ASTN1: variants seen among roughly 807,000 people sequenced by gnomAD.
ASTN1 encodes the protein astrotactin-1.
In ASTN1, 41 loss-of-function variants were observed where a neutral mutation model predicts 140.7. The ratio of observed to expected loss-of-function variants is 0.29; its 90% confidence interval spans 0.23 to 0.38. The LOEUF is 0.38. Among genes scored for constraint, ASTN1 ranks in the 10% least tolerant of loss-of-function variants. ASTN1 has a pLI of 1.00. For synonymous variants in ASTN1, 640 were observed against 652.2 expected (o/e 0.98, Z 0.29); for missense variants, 1,479 against 1,678.8 (o/e 0.88, Z 2.08).
intron 1 of ASTN1, among the ~76,000 whole-genome samples, chr1:177,083,190 G>C (rs1679263667): frequency 6.6e-6 from 1 of 151,972 alleles, no homozygotes; most frequent in South Asian, 2.1e-4. Flanking sequence ...TAGTGACCTG[G>C]TGACAGCAAC....
intron 21 of ASTN1, among the ~76,000 whole-genome samples, chr1:176,875,298 T>C (rs1668513533): frequency 6.6e-6 from 1 of 152,138 alleles, no homozygotes; most frequent in South Asian, 2.1e-4. Context: ...AGAAATTGGC[T>C]AAGGGAGGGG....
intron 8 of ASTN1, among the ~76,000 whole-genome samples, chr1:177,008,401 G>T (rs1056581364): frequency 3.3e-5 from 5 of 151,210 alleles, no homozygotes; most frequent in Admixed American, 6.6e-5. Context: ...GAGAGGAAGA[G>T]AGAGAGGAGA....
At chr1:176,992,180 C>T (rs1558015617) in intron 8 of ASTN1, among the ~76,000 whole-genome samples, 1 of 152,054 alleles carries the variant, frequency 6.6e-6, no homozygotes, top group Non-Finnish European at 1.5e-5. Flanking sequence ...GAGTTGGGAA[C>T]CATGGAAATA....
chr1:176,919,148 A>C (rs1670625685), intron 16 of ASTN1, among the ~76,000 whole-genome samples: 1 of 152,084 alleles, frequency 6.6e-6, no homozygotes, highest in Non-Finnish European at 1.5e-5. Flanking sequence ...TGTCTCCTTC[A>C]CACCTACTCT....
At chr1:176,896,189 G>A (rs1669497709) in intron 16 of ASTN1, among the ~76,000 whole-genome samples, 1 of 152,068 alleles carries the variant, frequency 6.6e-6, no homozygotes, top group Admixed American at 6.6e-5. Context: ...GTTTCCCAGA[G>A]GAAACAATGA....
At position 176,939,968 on chromosome 1, in the gene ASTN1, T is replaced by C. The variant is rs867699560; in HGVS notation, c.2378-3598A>G. On this transcript the variant is annotated intron_variant, in intron 14 of 22. Coordinates refer to ENST00000361833, the MANE Select transcript of ASTN1 (RefSeq NM_004319.3). ...TTTTATCTGAAATGTCAGGGATATA[T>C]GTATATTGCCCCAAAGTTCTGAAGC... 5.3e-5 allele frequency among the ~76,000 whole-genome samples: 8 copies of C among 152,248 alleles called. No individual in the cohort carries two copies. In the Middle Eastern group the frequency reaches 0.01, roughly 194 times the overall value.
chr1:176,949,929 C>A, intron 11 of ASTN1, among the ~76,000 whole-genome samples: 1 of 152,164 alleles, frequency 6.6e-6, no homozygotes. Flanking sequence ...GTCATCACCT[C>A]CCTGTGTCAG....
At chr1:176,871,342 G>C (rs1053630015) in intron 21 of ASTN1, among the ~76,000 whole-genome samples, 1 of 152,174 alleles carries the variant, frequency 6.6e-6, no homozygotes, top group African/African-American at 2.4e-5. Flanking sequence ...CCAGAGCTGA[G>C]ATAGGCAGAT....
chr1:177,010,322 A>T lies in ASTN1; in HGVS notation c.1523+4469T>A, dbSNP rs1675229053. ...GTTATTCAGTGAATTCATACAGGGG[A>T]GACAGAAGACAAGGTAAGCCACTGT... On this transcript the variant is annotated intron_variant, in intron 8 of 22. Transcript: ENST00000361833. Among the ~76,000 whole-genome samples the T allele has an allele frequency of 2.0e-5, 3 of 152,186 alleles. No individual in the cohort carries two copies. The South Asian group carries it at 6.2e-4, about 32-fold the overall frequency.
At chr1:176,962,541 A>G (rs1246015393) in intron 9 of ASTN1, among the ~76,000 whole-genome samples, 2 of 152,204 alleles carry the variant, frequency 1.3e-5, no homozygotes, top group African/African-American at 2.4e-5. Flanking sequence ...TTGGGGAAAA[A>G]TAGGCAGTTG....
chr1:176,924,096 G>A (rs773347873), intron 16 of ASTN1, among the ~76,000 whole-genome samples: 3 of 152,114 alleles, frequency 2.0e-5, no homozygotes, highest in Non-Finnish European at 4.4e-5. Context: ...CTACATGTTG[G>A]ATAAAAGAAA....
intron 16 of ASTN1, among the ~76,000 whole-genome samples, chr1:176,928,963 AAGAC>A (rs566741543): frequency 3.2e-4 from 49 of 152,320 alleles, no homozygotes; most frequent in Non-Finnish European, 4.9e-4. Flanking sequence ...ATTTCTGAGT[AAGAC>A]AGAGTAGTGG....
intron 15 of ASTN1, among the ~76,000 whole-genome samples, chr1:176,934,952 A>G (rs1429919150): frequency 6.6e-6 from 1 of 152,330 alleles, no homozygotes; most frequent in African/African-American, 2.4e-5. Flanking sequence ...ATACACTCCT[A>G]TTTTATTGCA....
At chr1:176,867,558 C>A (rs938146526) in intron 22 of ASTN1, among the ~76,000 whole-genome samples, 1 of 152,152 alleles carries the variant, frequency 6.6e-6, no homozygotes, top group Non-Finnish European at 1.5e-5. Flanking sequence ...ATTTTTCTCT[C>A]TGGTCTGTAG....
chr1:177,049,726 C>T (rs115169958), intron 2 of ASTN1, among the ~76,000 whole-genome samples: 36 of 152,332 alleles, frequency 2.4e-4, no homozygotes, highest in African/African-American at 8.2e-4. Flanking sequence ...GTCTGTGTGA[C>T]GATAGCTGGG....
At chr1:177,097,665 G>A (rs113164260) in intron 1 of ASTN1, among the ~76,000 whole-genome samples, 6 of 152,160 alleles carry the variant, frequency 3.9e-5, no homozygotes, top group South Asian at 2.1e-4. Flanking sequence ...CAACCATCCC[G>A]GAGTTTATGC....
chr1:177,142,540 A>G (rs1458969710), intron 1 of ASTN1, among the ~76,000 whole-genome samples: 3 of 152,154 alleles, frequency 2.0e-5, no homozygotes, highest in South Asian at 4.1e-4. Flanking sequence ...CAAGAAAAAT[A>G]CAGAAGACTG....
At chr1:177,114,890 A>T (rs932867591) in intron 1 of ASTN1, among the ~76,000 whole-genome samples, 2 of 152,108 alleles carry the variant, frequency 1.3e-5, no homozygotes, top group South Asian at 2.1e-4. Flanking sequence ...ACTTTTCCTG[A>T]CCCAGCTCTT....
Position 177,070,999 on chromosome 1 carries a change from G to A in ASTN1, c.284-9734C>T, listed in dbSNP as rs990931908. ...TAAAATTGAGCAACAATCTTTGACA[G>A]AATTAAGCAAATTATACCTTTAAAT... On this transcript the variant is annotated intron_variant, in intron 1 of 22. Coordinates refer to ENST00000361833, the MANE Select transcript of ASTN1 (RefSeq NM_004319.3). Among the ~76,000 whole-genome samples, 3 of 152,156 alleles carry A rather than the reference G, an allele frequency of 2.0e-5. No individual in the cohort carries two copies. The East Asian group carries it at 5.8e-4, about 29-fold the overall frequency.
Sources: allele counts gnomAD v4.1 joint callset (sites outside exome capture counted in the v4.1 genomes callset), GRCh38; gene constraint gnomAD v4.1.1; transcripts MANE v1.5; gene names NCBI Gene and HGNC (gene_info 2026-07-23, HGNC 2026-07-21).